CSMD2: variants seen among roughly 807,000 people sequenced by gnomAD.
CSMD2 encodes the protein CUB and Sushi multiple domains 2, also known as CUB and sushi domain-containing protein 2.
In CSMD2, 130 loss-of-function variants were observed where a neutral mutation model predicts 398.5. The observed-to-expected ratio is 0.33, with a 90% CI of 0.28 to 0.38. CSMD2 has a LOEUF of 0.38. Ranked by LOEUF, CSMD2 falls within the 10% of genes least tolerant of loss-of-function variation. The pLI is 1.00. For missense variants in CSMD2, 3,829 were observed against 4,764.9 expected (o/e 0.80, Z 5.78); for synonymous variants, 1,828 against 1,908.5 (o/e 0.96, Z 1.10).
chr1:33,797,171 G>A (rs1655052910), intron 10 of CSMD2, among the ~76,000 whole-genome samples: 1 of 152,144 alleles, frequency 6.6e-6, no homozygotes, highest in South Asian at 2.1e-4. Flanking sequence ...GCCCTTTGAA[G>A]CATGTGATCT....
At chr1:33,859,612 C>T (rs1330656140) in intron 5 of CSMD2, among the ~76,000 whole-genome samples, 1 of 152,236 alleles carries the variant, frequency 6.6e-6, no homozygotes, top group African/African-American at 2.4e-5. Context: ...CATTCTTCTG[C>T]CACTTGCAGA....
At chr1:33,698,355 A>T (rs1645491333) in intron 24 of CSMD2, among the ~76,000 whole-genome samples, 1 of 152,192 alleles carries the variant, frequency 6.6e-6, no homozygotes, top group African/African-American at 2.4e-5. Flanking sequence ...ACTGAGACCT[A>T]AAGTGGGTGG....
At position 33,848,723 on chromosome 1, in the gene CSMD2, T is replaced by C. The variant is rs547547864; in HGVS notation, c.921-1727A>G. Reference sequence around the variant, plus strand: ...TGGTAAAAACTATTATAAAAACCAATTACTGTATTTCACCAGATCCCATTT... The same window carrying C: ...TGGTAAAAACTATTATAAAAACCAACTACTGTATTTCACCAGATCCCATTT... On this transcript the variant is annotated intron_variant, in intron 5 of 70. Transcript: ENST00000373381. Among the ~76,000 whole-genome samples, 23 of 152,230 alleles carry C rather than the reference T, an allele frequency of 1.5e-4. No individual in the cohort carries two copies. In the South Asian group the frequency reaches 3.5e-3, roughly 23 times the overall value.
At chr1:33,899,221 C>T (rs1642595229) in intron 5 of CSMD2, among the ~76,000 whole-genome samples, 1 of 152,234 alleles carries the variant, frequency 6.6e-6, no homozygotes, top group Admixed American at 6.5e-5. Flanking sequence ...ATGTGGGAGC[C>T]AAGGCCTCGA....
At chr1:33,891,947 C>G (rs1228337426) in intron 5 of CSMD2, among the ~76,000 whole-genome samples, 2 of 147,602 alleles carry the variant, frequency 1.4e-5, no homozygotes, top group Admixed American at 1.3e-4. Context: ...ATACCTAATG[C>G]TAAATGACGA....
At chr1:34,056,121 C>A (rs1461184496) in intron 2 of CSMD2, among the ~76,000 whole-genome samples, 2 of 152,224 alleles carry the variant, frequency 1.3e-5, no homozygotes. Context: ...AGCTCCTTTA[C>A]ACCACTGTTC....
intron 49 of CSMD2, 37 bp downstream of exon 49, chr1:33,577,259 G>A (rs988372460): frequency 4.5e-6 from 7 of 1,556,774 alleles, no homozygotes; most frequent in African/African-American, 1.4e-5. Flanking sequence ...AGTTGGATCC[G>A]AGCTACCTTG....
rs1427660138 is a variant in CSMD2, at chr1:33,946,626, T to TC, written c.518-10673_518-10672insG. Among the ~76,000 whole-genome samples the TC allele has an allele frequency of 4.9e-3, 745 of 152,056 alleles. 6 individuals are homozygous for TC. Among genetic ancestry groups the TC allele is most frequent in the African/African-American group, 0.017 (690 of 41,488 alleles). ...CTTTCTTTTCATCTGACAACTTTTTTTTTTTTTTTTGAGACGGAGTCTTAC... is the reference window on the plus strand; with the variant it reads ...CTTTCTTTTCATCTGACAACTTTTTTCTTTTTTTTTTGAGACGGAGTCTTAC... On this transcript the variant is annotated intron_variant, in intron 3 of 70. Coordinates refer to ENST00000373381, the MANE Select transcript of CSMD2 (RefSeq NM_001281956.2).
chr1:34,133,233 G>A (rs963617395), intron 1 of CSMD2, among the ~76,000 whole-genome samples: 8 of 152,184 alleles, frequency 5.3e-5, no homozygotes, highest in Non-Finnish European at 7.3e-5. Flanking sequence ...CAGTACAGTG[G>A]CTTGTGAATG....
At chr1:33,567,499 A>ATATATATATAT (rs1284357279) in intron 53 of CSMD2, 94 bp downstream of exon 53, 14 of 1,014,290 alleles carry the variant, frequency 1.4e-5, no homozygotes, top group African/African-American at 4.8e-5. Flanking sequence ...ATATATATTT[A>ATATATATATAT]AAACAAACCT....
chr1:33,710,063 A>T (rs1212746808), intron 21 of CSMD2, among the ~76,000 whole-genome samples: 2 of 152,158 alleles, frequency 1.3e-5, no homozygotes, highest in Non-Finnish European at 2.9e-5. Context: ...TATAGTAGTC[A>T]TCCCATTTTA....
intron 32 of CSMD2, among the ~76,000 whole-genome samples, chr1:33,628,812 A>G (rs923523036): frequency 7.2e-5 from 11 of 152,200 alleles, no homozygotes; most frequent in Admixed American, 2.0e-4. Context: ...CTTTTTAATT[A>G]ACAACAACAA....
intron 6 of CSMD2, among the ~76,000 whole-genome samples, chr1:33,832,728 G>A (rs1455610396): frequency 6.6e-6 from 1 of 150,552 alleles, no homozygotes; most frequent in East Asian, 2.0e-4. Context: ...TTTTTGAAAG[G>A]ATCAACAAAA....
intron 15 of CSMD2, among the ~76,000 whole-genome samples, chr1:33,737,093 A>G (rs1293041270): frequency 6.6e-6 from 1 of 152,210 alleles, no homozygotes; most frequent in Non-Finnish European, 1.5e-5. Context: ...TCAGATATGC[A>G]TACTTATTCC....
At chr1:33,725,252 G>T in intron 17 of CSMD2, 97 bp downstream of exon 17, 1 of 1,020,562 alleles carries the variant, frequency 9.8e-7, no homozygotes, top group Non-Finnish European at 1.5e-6. Context: ...CATGGGGATG[G>T]GGCCAAGCAG....
intron 1 of CSMD2, among the ~76,000 whole-genome samples, chr1:34,109,402 C>CA (rs1373203154): frequency 6.6e-6 from 1 of 152,196 alleles, no homozygotes; most frequent in Non-Finnish European, 1.5e-5. Flanking sequence ...CCTGGCTCAG[C>CA]TCAGACCAGT....
intron 25 of CSMD2, 135 bp downstream of exon 25, chr1:33,692,795 A>G (rs1645284419): frequency 8.9e-7 from 1 of 1,117,354 alleles, no homozygotes; most frequent in Admixed American, 2.3e-5. Flanking sequence ...CATCCAGTAT[A>G]GCAACCACTA....
chr1:34,156,582 T>G (rs1460041593), intron 1 of CSMD2, among the ~76,000 whole-genome samples: 1 of 152,224 alleles, frequency 6.6e-6, no homozygotes, highest in African/African-American at 2.4e-5. Flanking sequence ...ACCTTGAAGA[T>G]GGACACATAA....
At chr1:33,804,816 C>T in intron 10 of CSMD2, 1 of 717,452 alleles carries the variant, frequency 1.4e-6, no homozygotes, top group Admixed American at 2.0e-5. Flanking sequence ...CAGAAGACAA[C>T]TTCTATTCCT....
Sources: allele counts gnomAD v4.1 joint callset (sites outside exome capture counted in the v4.1 genomes callset), GRCh38; gene constraint gnomAD v4.1.1; transcripts MANE v1.5; gene names NCBI Gene and HGNC (gene_info 2026-07-23, HGNC 2026-07-21).